Variants in TAFA4 observed in about 807,000 individuals in gnomAD.
The protein encoded by TAFA4 is chemokine-like protein TAFA-4.
In TAFA4, 20 loss-of-function variants were observed where a neutral mutation model predicts 21.1. The observed-to-expected ratio is 0.95, with a 90% CI of 0.67 to 1.38. The LOEUF (loss-of-function observed/expected upper bound fraction) is 1.38, where lower values mean the gene tolerates loss of function less well. TAFA4 is among the 40% of genes most tolerant of loss of function. The pLI is 0.00. For missense variants in TAFA4, 211 were observed against 180.9 expected, an observed-to-expected ratio of 1.17 and a Z score of -0.95; for synonymous variants, 71 against 67.4, an observed-to-expected ratio of 1.05 and a Z score of -0.26.
chr3:68,775,164 T>G (rs187904864), intron 3 of TAFA4, among the ~76,000 whole-genome samples: 1 of 152,318 alleles, frequency 6.6e-6, no homozygotes, highest in East Asian at 1.9e-4. Context: ...AAAGCCCTTA[T>G]GTGAGCTGGG....
chr3:68,851,642 A>G (rs185676916), intron 3 of TAFA4, among the ~76,000 whole-genome samples: 2 of 152,302 alleles, frequency 1.3e-5, no homozygotes, highest in East Asian at 1.9e-4. Context: ...ACCATCTCAA[A>G]TCTATCAATA....
chr3:68,911,183 C>T (rs770050218), intron 1 of TAFA4, among the ~76,000 whole-genome samples: 34 of 152,182 alleles, frequency 2.2e-4, no homozygotes, highest in Non-Finnish European at 4.3e-4. Context: ...CCAAGCCAAT[C>T]GATAAAATGA....
intron 3 of TAFA4, among the ~76,000 whole-genome samples, chr3:68,838,418 CTA>C (rs1255189774): frequency 6.6e-6 from 1 of 152,152 alleles, no homozygotes; most frequent in Non-Finnish European, 1.5e-5. Flanking sequence ...AAGCATCATT[CTA>C]GACAGAGCAA....
intron 3 of TAFA4, among the ~76,000 whole-genome samples, chr3:68,824,626 G>A (rs540656595): frequency 1.7e-4 from 26 of 152,098 alleles, no homozygotes; most frequent in Non-Finnish European, 2.9e-4. Context: ...CCAAGGATTC[G>A]AATGTGCATC....
At position 68,771,499 on chromosome 3, in the gene TAFA4, G is replaced by A. The variant is rs552669395; in HGVS notation, c.131-18481C>T. ...CTGAAAATATGAGCCACACCCTGTCGCACTTCCTGCGAGGGGGATAAGGGA... is the reference window on the plus strand; with the variant it reads ...CTGAAAATATGAGCCACACCCTGTCACACTTCCTGCGAGGGGGATAAGGGA... On this transcript the variant is annotated intron_variant, in intron 3 of 5. Coordinates refer to ENST00000295569, the MANE Select transcript of TAFA4 (RefSeq NM_182522.5). 5.9e-5 allele frequency among the ~76,000 whole-genome samples: 9 copies of A among 152,270 alleles called. No individual in the cohort carries two copies. In the South Asian group the frequency reaches 1.0e-3, roughly 18 times the overall value.
At chr3:68,889,526 A>T (rs1458892147) in intron 1 of TAFA4, among the ~76,000 whole-genome samples, 1 of 152,196 alleles carries the variant, frequency 6.6e-6, no homozygotes, top group Non-Finnish European at 1.5e-5. Flanking sequence ...CTTGTAGATG[A>T]GCACCTTCAG....
intron 3 of TAFA4, among the ~76,000 whole-genome samples, chr3:68,860,860 A>G (rs1445020126): frequency 1.3e-5 from 2 of 152,236 alleles, no homozygotes; most frequent in South Asian, 2.1e-4. Flanking sequence ...TCACATCATC[A>G]TTGGGCTGTG....
chr3:68,838,279 G>A (rs1473258159), intron 3 of TAFA4, among the ~76,000 whole-genome samples: 1 of 152,124 alleles, frequency 6.6e-6, no homozygotes, highest in African/African-American at 2.4e-5. Flanking sequence ...TCCATGGCTA[G>A]ATGTTAATTA....
At position 68,908,534 on chromosome 3, in the gene TAFA4, A is replaced by T. The variant is rs992024779; in HGVS notation, c.-122-23224T>A. On this transcript the variant is annotated intron_variant, in intron 1 of 5. Transcript: ENST00000295569. ...CAGAAGCAAAAGTGAAAAAAAAAAA[A>T]ATATCCATCAAGGTGCCCAATTCAC... 5.3e-5 allele frequency among the ~76,000 whole-genome samples: 8 copies of T among 152,286 alleles called. No homozygotes were observed. The East Asian group carries it at 1.4e-3, about 26-fold the overall frequency.
intron 1 of TAFA4, among the ~76,000 whole-genome samples, chr3:68,909,255 T>C (rs189208074): frequency 6.6e-6 from 1 of 152,106 alleles, no homozygotes; most frequent in African/African-American, 2.4e-5. Flanking sequence ...GAAGAGGAAT[T>C]AGAAATACTG....
rs550491602 is a variant in TAFA4 at position 68,833,935 on chromosome 3, A to T, written c.130+46795T>A. On this transcript the variant is annotated intron_variant, in intron 3 of 5. Coordinates refer to ENST00000295569, the MANE Select transcript of TAFA4 (RefSeq NM_182522.5). ...GTAAAGTGTTGACCAAAATGTGAAG[A>T]TTCAGTGAAAGAATTAGTGTAAAGC... Among the ~76,000 whole-genome samples, 5 of 152,330 alleles carry T rather than the reference A, an allele frequency of 3.3e-5. No individual in the cohort carries two copies. The South Asian group carries it at 1.0e-3, about 32-fold the overall frequency.
intron 1 of TAFA4, chr3:68,915,963 TTAAG>T (rs2107013094): frequency 6.6e-6 from 1 of 152,322 alleles, no homozygotes; most frequent in South Asian, 2.1e-4. Flanking sequence ...TCCTTAGACT[TTAAG>T]TGACTATTTT....
chr3:68,782,937 A>G (rs1006038254), intron 3 of TAFA4, among the ~76,000 whole-genome samples: 1 of 152,240 alleles, frequency 6.6e-6, no homozygotes, highest in Non-Finnish European at 1.5e-5. Flanking sequence ...TTCCAGCAGT[A>G]TATAAAAATA....
chr3:68,812,671 A>G (rs1355575200), intron 3 of TAFA4, among the ~76,000 whole-genome samples: 1 of 152,228 alleles, frequency 6.6e-6, no homozygotes, highest in Admixed American at 6.5e-5. Context: ...CCAGATTCAT[A>G]AAGCAAGTCC....
intron 3 of TAFA4, among the ~76,000 whole-genome samples, chr3:68,830,733 T>G (rs1486348775): frequency 1.3e-5 from 2 of 152,206 alleles, no homozygotes; most frequent in Admixed American, 1.3e-4. Flanking sequence ...GTTCATGTCT[T>G]GAATATCCTT....
intron 3 of TAFA4, among the ~76,000 whole-genome samples, chr3:68,758,400 C>T (rs1320283698): frequency 3.3e-5 from 5 of 152,156 alleles, no homozygotes; most frequent in Non-Finnish European, 7.3e-5. Context: ...ACATGTCTTT[C>T]CCATGCTGTT....
At chr3:68,914,767 T>A (rs1156981679) in intron 1 of TAFA4, among the ~76,000 whole-genome samples, 1 of 152,150 alleles carries the variant, frequency 6.6e-6, no homozygotes, top group East Asian at 1.9e-4. Context: ...CCAGCAGGGA[T>A]CAACAAACTT....
At chr3:68,744,338 C>A (rs1702413009) in intron 4 of TAFA4, among the ~76,000 whole-genome samples, 1 of 152,134 alleles carries the variant, frequency 6.6e-6, no homozygotes, top group Admixed American at 6.5e-5. Flanking sequence ...GGGAAGGAAC[C>A]ATTAGGGGCT....
intron 1 of TAFA4, among the ~76,000 whole-genome samples, chr3:68,918,730 A>G (rs915816175): frequency 6.6e-6 from 1 of 152,128 alleles, no homozygotes; most frequent in East Asian, 1.9e-4. Context: ...TTGTACAGAC[A>G]TGGTTTCACC....
Sources: gnomAD v4.1 joint callset for allele counts (sites outside exome capture counted in the v4.1 genomes callset) on GRCh38, gnomAD v4.1.1 for gene constraint, MANE v1.5 for transcripts, NCBI Gene and HGNC (gene_info 2026-07-23, HGNC 2026-07-21) for gene names.